The following DIS3L variants were observed in gnomAD, a reference collection of about 807,000 sequenced individuals.
DIS3L encodes the protein DIS3-like exonuclease 1.
DIS3L carries 100 observed loss-of-function variants against 120.3 expected under a neutral mutation model. That is an observed-to-expected ratio of 0.83 (90% CI 0.71 to 0.98). DIS3L has a LOEUF of 0.98. Ranked by LOEUF, DIS3L falls within the 50% of genes least tolerant of loss-of-function variation. The pLI is 0.00. For synonymous variants in DIS3L, 426 were observed against 470.6 expected, an observed-to-expected ratio of 0.91 and a Z score of 1.23; for missense variants, 1,196 against 1,314.2, an observed-to-expected ratio of 0.91 and a Z score of 1.39.
At chr15:66,308,221 G>A (rs1161221688) in intron 3 of DIS3L, among the ~76,000 whole-genome samples, 3 of 152,150 alleles carry the variant, frequency 2.0e-5, no homozygotes, top group African/African-American at 4.8e-5. Context: ...CTGTTTCCCA[G>A]TTCTCTGTTT....
At chr15:66,310,733 T>C (rs367794166) in intron 4 of DIS3L, among the ~76,000 whole-genome samples, 1 of 152,084 alleles carries the variant, frequency 6.6e-6, no homozygotes, top group African/African-American at 2.4e-5. Flanking sequence ...GTGGGAGAAA[T>C]GCTGGAGTTG....
rs1194791589 is a variant in DIS3L, at chr15:66,293,962, T to A, written c.139+227T>A. 4 of 993,832 alleles carry A rather than the reference T, an allele frequency of 4.0e-6. No individual in the cohort carries two copies. The East Asian group carries it at 4.4e-4, about 109-fold the overall frequency. The allele number at this position is 993,832 out of a possible 1,614,324, so 61.6% of individuals were successfully genotyped here. A position where few individuals can be genotyped will look rare whatever the true frequency, so the allele number is the denominator to read the frequency against. On this transcript the variant is annotated intron_variant, in intron 1 of 16. Coordinates refer to ENST00000319212, the MANE Select transcript of DIS3L (RefSeq NM_001143688.3). The stretch of plus-strand genomic sequence containing the variant: ...CCGGGACTCCCTTACTGCTCCGCCC[T>A]GTCCAATGGGAGGGCCCGACAGACC...
intron 15 of DIS3L, 102 bp downstream of exon 15, chr15:66,332,122 G>T: frequency 8.8e-7 from 1 of 1,135,194 alleles, no homozygotes; most frequent in South Asian, 1.8e-5. Flanking sequence ...TAAGCAACTA[G>T]TTATCATATG....
Position 66,333,225 on chromosome 15 carries a change from C to A in DIS3L, c.3078C>A (p.Arg1026=). 1 of 1,614,030 alleles carries A rather than the reference C, an allele frequency of 6.2e-7. No homozygotes were observed. Among genetic ancestry groups the A allele is most frequent in the Non-Finnish European group, 8.5e-7 (1 of 1,180,016 alleles). The change falls in exon 17 of 17, where the codon CGC becomes CGA. Residue 1026 remains arginine (R), a synonymous_variant. Transcript: ENST00000319212. ...TTCAGGAGGAATATCAAGAATATCGCCAAACAAAGGGAAGGAGCCTATACA... is the reference window on the plus strand; with the variant it reads ...TTCAGGAGGAATATCAAGAATATCGACAAACAAAGGGAAGGAGCCTATACA... The part of the protein sequence containing the change: ...NIIQEEYQEY[R]QTKGRSLYTL...
intron 5 of DIS3L, among the ~76,000 whole-genome samples, chr15:66,313,055 G>A (rs746535117): frequency 1.3e-5 from 2 of 151,906 alleles, no homozygotes; most frequent in South Asian, 2.1e-4. Flanking sequence ...GAGTGCAGTG[G>A]TGCAATCTCG....
intron 2 of DIS3L, among the ~76,000 whole-genome samples, chr15:66,297,061 C>A (rs1214518733): frequency 6.6e-6 from 1 of 152,172 alleles, no homozygotes; most frequent in Non-Finnish European, 1.5e-5. Flanking sequence ...AGGAAGAAAT[C>A]AGCAAATTTG....
intron 2 of DIS3L, among the ~76,000 whole-genome samples, chr15:66,302,366 CA>C (rs1275796268): frequency 1.3e-5 from 2 of 151,472 alleles, no homozygotes; most frequent in Non-Finnish European, 1.5e-5. Context: ...GTTCCTGTCT[CA>C]AAAAAACAAA....
chr15:66,301,453 G>A (rs968563149), intron 2 of DIS3L, among the ~76,000 whole-genome samples: 5 of 151,664 alleles, frequency 3.3e-5, no homozygotes, highest in African/African-American at 1.2e-4. Flanking sequence ...GCTAATTTTT[G>A]TATTTTTAGT....
Position 66,333,670 on chromosome 15 carries a change from A to G in DIS3L, c.*358A>G, listed in dbSNP as rs1301103177. The G allele has an allele frequency of 1.3e-5, 2 of 153,104 alleles. No homozygotes were observed. Among genetic ancestry groups the G allele is most frequent in the Non-Finnish European group, 1.4e-5 (1 of 71,830 alleles). The allele number at this position is 153,104 out of a possible 1,614,324, so 9.5% of individuals were successfully genotyped here. On this transcript the variant is annotated 3_prime_UTR_variant, in exon 17 of 17. Coordinates refer to ENST00000319212, the MANE Select transcript of DIS3L (RefSeq NM_001143688.3). ...CCTGAACCCAGGAAGAGGAGGTTGCAGTGAGCCGAGATCGCACCACTGCAT... is the reference window on the plus strand; with the variant it reads ...CCTGAACCCAGGAAGAGGAGGTTGCGGTGAGCCGAGATCGCACCACTGCAT...
At chr15:66,296,204 G>A (rs2092584564) in intron 2 of DIS3L, among the ~76,000 whole-genome samples, 1 of 152,172 alleles carries the variant, frequency 6.6e-6, no homozygotes, top group African/African-American at 2.4e-5. Flanking sequence ...CACACTGCGA[G>A]CCTTTTCAAC....
Position 66,329,006 on chromosome 15 carries a change from G to A in DIS3L, c.2238G>A (p.Ala746=), listed in dbSNP as rs202217498. The A allele has an allele frequency of 2.8e-5, 45 of 1,613,894 alleles. No individual in the cohort carries two copies. The highest frequency in any genetic ancestry group is 1.8e-4 in the East Asian group (8 of 44,882). The part of the protein sequence containing the change: ...NKTLADSLDN[A]NDPHDPIVNR... ...CACTGGCTGATTCTCTGGATAATGC[G>A]AACGACCCCCACGATCCCATTGTGA... Residue 746 remains alanine, a synonymous_variant, in exon 13 of 17, where the codon GCG becomes GCA. Transcript: ENST00000319212.
At chr15:66,314,167 G>T in intron 6 of DIS3L, 50 bp downstream of exon 6, 1 of 1,355,930 alleles carries the variant, frequency 7.4e-7, no homozygotes, top group Non-Finnish European at 9.6e-7. Context: ...TTATTCTGAC[G>T]TTATACAATG....
chr15:66,316,330 T>A (rs976432959), intron 7 of DIS3L, among the ~76,000 whole-genome samples: 4 of 151,590 alleles, frequency 2.6e-5, no homozygotes, highest in African/African-American at 9.7e-5. Context: ...TACTCATCAG[T>A]AAATGCTGGC....
chr15:66,307,774 G>C (rs947442570), intron 3 of DIS3L, among the ~76,000 whole-genome samples: 1 of 152,036 alleles, frequency 6.6e-6, no homozygotes, highest in Admixed American at 6.6e-5. Context: ...GTGAAGAAGC[G>C]GGGAGAGTGA....
At chr15:66,295,723 G>A (rs1183616835) in intron 2 of DIS3L, among the ~76,000 whole-genome samples, 1 of 152,142 alleles carries the variant, frequency 6.6e-6, no homozygotes, top group Non-Finnish European at 1.5e-5. Context: ...CTTAAATGAA[G>A]AATAGCTGTC....
Position 66,320,627 on chromosome 15 carries a change from T to G in DIS3L, c.1221T>G (p.Asn407Lys). The change falls in exon 9 of 17, where the codon AAT becomes AAG. Residue 407 changes from asparagine (N) to lysine (K), a missense_variant. Transcript: ENST00000319212. ...GGGAGTCAACATCTGTGTATCCAAA[T>G]GGACATTTTGTGCGTGTTTTAGGAA... ...DSWESTSVYPNGHFVRVLGRI... is the reference protein window; with the variant it reads ...DSWESTSVYPKGHFVRVLGRI... 3.1e-6 allele frequency: 5 copies of G among 1,613,934 alleles called. No individual in the cohort carries two copies. The African/African-American group carries it at 4.0e-5, about 13-fold the overall frequency.
intron 1 of DIS3L, among the ~76,000 whole-genome samples, chr15:66,294,758 C>T (rs947420659): frequency 6.6e-6 from 1 of 152,182 alleles, no homozygotes. Flanking sequence ...TCCGGCACCT[C>T]TGGCAACACC....
rs1595707774 is a variant in DIS3L, at chr15:66,295,044, G to A, written c.196G>A (p.Val66Ile). ...TTACGTGATCCCAGACTGGAAAGTT[G>A]TTCAAGATTATCTTGAGATCCTTGA... ...THYVIPDWKV[V>I]QDYLEILEFP... The change falls in exon 2 of 17, where the codon GTT becomes ATT. Residue 66 changes from valine to isoleucine, a missense_variant. Physicochemically the swap from Val to Ile is conservative, Grantham distance 29 (BLOSUM62 3). Transcript: ENST00000319212. 1.9e-6 allele frequency: 3 copies of A among 1,614,142 alleles called. No homozygotes were observed. The highest frequency in any genetic ancestry group is 2.5e-6 in the Non-Finnish European group (3 of 1,180,006).
Position 66,313,930 on chromosome 15 carries a change from A to G in DIS3L, c.736-109A>G, listed in dbSNP as rs978492953. The G allele has an allele frequency of 5.1e-6, 4 of 785,872 alleles. No homozygotes were observed. The African/African-American group carries it at 7.2e-5, about 14-fold the overall frequency. 48.7% of individuals were successfully genotyped at this position (785,872 alleles called of 1,614,324 possible). A position where few individuals can be genotyped will look rare whatever the true frequency, so the allele number is the denominator to read the frequency against. ...TTCCTAAAGGGATCACAAACCTTAA[A>G]AGAATATTATGGGGATGTTTTCACA... On this transcript the variant is annotated intron_variant, in intron 5 of 16. Transcript: ENST00000319212.
Sources: gnomAD v4.1 joint callset for allele counts (sites outside exome capture counted in the v4.1 genomes callset) on GRCh38, gnomAD v4.1.1 for gene constraint, MANE v1.5 for transcripts, NCBI Gene and HGNC (gene_info 2026-07-23, HGNC 2026-07-21) for gene names.